The following WDFY4 variants were observed in gnomAD, a reference collection of about 807,000 sequenced individuals.
WDFY4 encodes WD repeat- and FYVE domain-containing protein 4.
In WDFY4, 169 loss-of-function variants were observed where a neutral mutation model predicts 351.9. The ratio of observed to expected loss-of-function variants is 0.48; its 90% CI spans 0.42 to 0.55. The LOEUF is 0.55. Ranked by LOEUF, WDFY4 falls within the 20% of genes least tolerant of loss-of-function variation. The pLI is 0.00. For synonymous variants in WDFY4, 1,622 were observed against 1,574.6 expected (o/e 1.03, Z -0.71); for missense variants, 3,803 against 3,935.6 (o/e 0.97, Z 0.90).
At position 48,768,163 on chromosome 10, in the gene WDFY4, G is replaced by A. The variant is rs866938034; in HGVS notation, c.2554-6295G>A. On this transcript the variant is annotated intron_variant, in intron 13 of 61. Transcript: ENST00000325239. ...CTGGTGGAGGCTGCTTCAGAGACTTGGGGGCTTCTCAGATCAGCTGTACCA... is the reference window on the plus strand; with the variant it reads ...CTGGTGGAGGCTGCTTCAGAGACTTAGGGGCTTCTCAGATCAGCTGTACCA... Among the ~76,000 whole-genome samples, 166 of 152,272 alleles carry A rather than the reference G, an allele frequency of 1.1e-3. 1 individual carries two copies. The highest frequency in any genetic ancestry group is 6.8e-3 in the Middle Eastern group (2 of 294).
intron 34 of WDFY4, 38 bp downstream of exon 34, chr10:48,821,214 G>A: frequency 6.7e-7 from 1 of 1,485,002 alleles, no homozygotes. Context: ...TTCATGACAT[G>A]AGGCTGCTGA....
intron 57 of WDFY4, among the ~76,000 whole-genome samples, chr10:48,972,407 A>T (rs1033354235): frequency 6.6e-6 from 1 of 152,246 alleles, no homozygotes; most frequent in African/African-American, 2.4e-5. Flanking sequence ...ATCCCCAGAT[A>T]TACATATTTA....
At chr10:48,980,949 G>T (rs1276094328) in intron 60 of WDFY4, among the ~76,000 whole-genome samples, 1 of 152,214 alleles carries the variant, frequency 6.6e-6, no homozygotes, top group Non-Finnish European at 1.5e-5. Flanking sequence ...ATTAAGATAA[G>T]TTGATAATGC....
chr10:48,719,582 C>T (rs7100103), intron 2 of WDFY4, among the ~76,000 whole-genome samples: 46,385 of 152,124 alleles, frequency 0.3, 7,474 homozygotes, highest in East Asian at 0.65. Context: ...ATGACTAAAA[C>T]TGGGATATCT....
intron 13 of WDFY4, among the ~76,000 whole-genome samples, chr10:48,762,368 C>T (rs139247059): frequency 6.6e-6 from 1 of 152,352 alleles, no homozygotes; most frequent in African/African-American, 2.4e-5. Flanking sequence ...CTTGTTCCTG[C>T]TCCTGTTCCC....
At chr10:48,803,944 G>A (rs992421292) in intron 25 of WDFY4, among the ~76,000 whole-genome samples, 2 of 152,234 alleles carry the variant, frequency 1.3e-5, no homozygotes, top group African/African-American at 4.8e-5. Context: ...TTCTGTGGCA[G>A]AAGGTGGCTC....
rs375556332 is a variant in WDFY4, at chr10:48,786,629, A to C, written c.3577-10A>C. On this transcript the variant is annotated splice_polypyrimidine_tract_variant and intron_variant, in intron 19 of 61. Coordinates refer to ENST00000325239, the MANE Select transcript of WDFY4 (RefSeq NM_001394531.1). ...AACACTACTCACTCTTGTCCTTTTT[A>C]TTTTAACAGATGTTATACATCCAGG... is the stretch of plus-strand genomic sequence containing the variant. 8 of 1,546,002 alleles carry C rather than the reference A, an allele frequency of 5.2e-6. No homozygotes were observed. In the African/African-American group the frequency reaches 8.3e-5, roughly 16 times the overall value.
intron 39 of WDFY4, 130 bp downstream of exon 39, chr10:48,832,839 T>C (rs1589714549): frequency 8.9e-6 from 11 of 1,231,244 alleles, no homozygotes; most frequent in Non-Finnish European, 1.2e-5. Flanking sequence ...TTTGAGGGTA[T>C]GCATGTAGCT....
At chr10:48,895,172 C>T (rs1589827190) in intron 44 of WDFY4, among the ~76,000 whole-genome samples, 1 of 152,186 alleles carries the variant, frequency 6.6e-6, no homozygotes. Context: ...TCCCTGCTGC[C>T]CAGCACAAGT....
At chr10:48,867,618 C>T (rs1455171447) in intron 40 of WDFY4, among the ~76,000 whole-genome samples, 1 of 152,158 alleles carries the variant, frequency 6.6e-6, no homozygotes, top group East Asian at 1.9e-4. Flanking sequence ...CTAAGTCTGC[C>T]CCTTTCTATG....
chr10:48,846,516 G>A (rs781226099), intron 39 of WDFY4, among the ~76,000 whole-genome samples: 6 of 152,222 alleles, frequency 3.9e-5, no homozygotes, highest in Admixed American at 6.5e-5. Flanking sequence ...ACTAGAGCAG[G>A]TGCTGTGAAT....
At position 48,837,963 on chromosome 10, in the gene WDFY4, C is replaced by T. The variant is rs561220496; in HGVS notation, c.6663+5254C>T. Among the ~76,000 whole-genome samples the T allele has an allele frequency of 4.6e-5, 7 of 152,278 alleles. No homozygotes were observed. The East Asian group carries it at 1.2e-3, about 25-fold the overall frequency. On this transcript the variant is annotated intron_variant, in intron 39 of 61. Transcript: ENST00000325239. The stretch of plus-strand genomic sequence containing the variant: ...GACTTATAGAAGAACAGGATTCACA[C>T]GGAGGAGGGCAGAGCCCTGTGTTCC...
chr10:48,854,935 T>C (rs114384342), intron 39 of WDFY4, among the ~76,000 whole-genome samples: 2 of 152,226 alleles, frequency 1.3e-5, no homozygotes, highest in Non-Finnish European at 2.9e-5. Flanking sequence ...GGCTTTTGCC[T>C]TAGATGTAGA....
rs1329636917 is a variant in WDFY4 at position 48,877,141 on chromosome 10, T to C, written c.7109T>C (p.Phe2370Ser). 6.4e-7 allele frequency: 1 copy of C among 1,551,522 alleles called. No homozygotes were observed. Among genetic ancestry groups the C allele is most frequent in the Non-Finnish European group, 8.7e-7 (1 of 1,146,930 alleles). ...CACGAAAGTCTGCACTCAGAAGACT[T>C]CTTGGAACTGTGTCGGGAAAGACAA... ...ALHESLHSED[F>S]LELCRERQVI... The change falls in exon 43 of 62, where the codon TTC becomes TCC. Residue 2370 changes from phenylalanine (F) to serine (S), a missense_variant. Coordinates refer to ENST00000325239, the MANE Select transcript of WDFY4 (RefSeq NM_001394531.1).
chr10:48,763,824 A>T (rs1027482775), intron 13 of WDFY4, among the ~76,000 whole-genome samples: 3 of 152,240 alleles, frequency 2.0e-5, no homozygotes, highest in Non-Finnish European at 4.4e-5. Flanking sequence ...GCAGATGCCA[A>T]ATCAGCAGCT....
chr10:48,805,998 A>C lies in WDFY4; in HGVS notation c.4647-6A>C. On this transcript the variant is annotated splice_region_variant and splice_polypyrimidine_tract_variant and intron_variant, in intron 26 of 61. Coordinates refer to ENST00000325239, the MANE Select transcript of WDFY4 (RefSeq NM_001394531.1). ...CGAGCCTGTCCTTCTCTCCCTGTGT[A>C]TAAAGGATTGGGCTGTTTGTTGTGT... The C allele has an allele frequency of 2.6e-6, 4 of 1,551,636 alleles. No homozygotes were observed. Among genetic ancestry groups the C allele is most frequent in the Non-Finnish European group, 3.5e-6 (4 of 1,146,922 alleles).
At position 48,780,025 on chromosome 10, in the gene WDFY4, A is replaced by T; in HGVS notation, c.3482A>T (p.Gln1161Leu). ...VRCGQLLACGQWHHLAVVVTK... is the reference protein window; with the variant it reads ...VRCGQLLACGLWHHLAVVVTK... ...TGTGGCCAGCTCCTGGCTTGTGGTC[A>T]GTGGCATCACTTGGCTGTGGTTGTC... The change falls in exon 19 of 62, where the codon CAG becomes CTG. Residue 1161 changes from glutamine to leucine, a missense_variant. Around this residue, in one of 3 missense-constraint regions of WDFY4, gnomAD observed 3,054 missense variants for 3,148.6 expected, o/e 0.97. Coordinates refer to ENST00000325239, the MANE Select transcript of WDFY4 (RefSeq NM_001394531.1). 1 of 1,551,878 alleles carries T rather than the reference A, an allele frequency of 6.4e-7. No homozygotes were observed. Among genetic ancestry groups the T allele is most frequent in the South Asian group, 1.2e-5 (1 of 84,064 alleles).
chr10:48,869,353 C>G (rs889334126), intron 40 of WDFY4, among the ~76,000 whole-genome samples: 1 of 152,160 alleles, frequency 6.6e-6, no homozygotes, highest in African/African-American at 2.4e-5. Context: ...CACAGGGTGG[C>G]CAGTAACACA....
rs1351525644 is a variant in WDFY4 at position 48,978,336 on chromosome 10, T to C, written c.9319T>C (p.Ser3107Pro). ...TTGGAAGACTGAGGATGTGAAGATG[T>C]CTGTTCCTGGACGGCCAGCAGGAGA... is the stretch of plus-strand genomic sequence containing the variant. ...RVWKTEDVKM[S>P]VPGRPAGEEP... Residue 3107 changes from serine (S) to proline (P), a missense_variant, in exon 60 of 62, where the codon TCT becomes CCT. Ser to Pro is a moderately conservative substitution (Grantham distance 74). Transcript: ENST00000325239. 6.4e-7 allele frequency: 1 copy of C among 1,551,474 alleles called. No homozygotes were observed. Among genetic ancestry groups the C allele is most frequent in the Admixed American group, 2.0e-5 (1 of 50,978 alleles).
Sources: gnomAD v4.1 joint callset for allele counts (sites outside exome capture counted in the v4.1 genomes callset) on GRCh38, gnomAD v4.1.1 for gene constraint, gnomAD v4.1.1 regional missense constraint, MANE v1.5 for transcripts, NCBI Gene and HGNC (gene_info 2026-07-23, HGNC 2026-07-21) for gene names.